FRMD4B: variants seen among roughly 807,000 people sequenced by gnomAD.
FRMD4B encodes the protein FERM domain containing 4B, also known as FERM domain-containing protein 4B.
FRMD4B carries 74 observed loss-of-function variants against 141.5 expected under a neutral mutation model. That is an observed-to-expected ratio of 0.52 (90% CI 0.43 to 0.63). The LOEUF (loss-of-function observed/expected upper bound fraction) is 0.63, where lower values mean the gene tolerates loss of function less well. FRMD4B is among the 30% of genes least tolerant of loss of function. The pLI is 0.00. For synonymous variants in FRMD4B, 506 were observed against 467.9 expected, an observed-to-expected ratio of 1.08 and a Z score of -1.05; for missense variants, 1,366 against 1,253.4, an observed-to-expected ratio of 1.09 and a Z score of -1.36.
intron 2 of FRMD4B, among the ~76,000 whole-genome samples, chr3:69,419,067 G>T (rs1704924665): frequency 6.6e-6 from 1 of 152,124 alleles, no homozygotes; most frequent in South Asian, 2.1e-4. Context: ...GAAAATGTAG[G>T]TTGCATATGT....
chr3:69,357,609 G>C (rs1014312498), intron 1 of FRMD4B, among the ~76,000 whole-genome samples: 35 of 152,142 alleles, frequency 2.3e-4, no homozygotes, highest in African/African-American at 8.4e-4. Flanking sequence ...TGTGGAAGCA[G>C]GATCCCAATT....
At chr3:69,441,497 C>T (rs568424256) in intron 1 of FRMD4B, among the ~76,000 whole-genome samples, 3 of 152,246 alleles carry the variant, frequency 2.0e-5, no homozygotes, top group South Asian at 2.1e-4. Flanking sequence ...TCCAACCATC[C>T]GTAATGACAT....
chr3:69,263,521 C>T lies in FRMD4B; in HGVS notation c.502-13422G>A, dbSNP rs189596891. Among the ~76,000 whole-genome samples the T allele has an allele frequency of 2.0e-5, 3 of 150,714 alleles. No homozygotes were observed. The East Asian group carries it at 6.0e-4, about 30-fold the overall frequency. On this transcript the variant is annotated intron_variant, in intron 5 of 22. Coordinates refer to ENST00000398540, the MANE Select transcript of FRMD4B (RefSeq NM_015123.3). ...TCCTGGGCTCAAGTGATCTTCCCAC[C>T]TCAGTCTTCCAAATAGCTGGGACTA...
At chr3:69,351,605 A>G (rs1703152977) in intron 1 of FRMD4B, among the ~76,000 whole-genome samples, 1 of 152,158 alleles carries the variant, frequency 6.6e-6, no homozygotes, top group Non-Finnish European at 1.5e-5. Flanking sequence ...CTATTCCAAG[A>G]TGCACGCACC....
At chr3:69,286,644 C>A (rs575105065) in intron 5 of FRMD4B, among the ~76,000 whole-genome samples, 1 of 152,182 alleles carries the variant, frequency 6.6e-6, no homozygotes, top group African/African-American at 2.4e-5. Context: ...GAGATCAGAA[C>A]GTACAAGGGA....
At chr3:69,316,282 C>T (rs1701800949) in intron 1 of FRMD4B, among the ~76,000 whole-genome samples, 1 of 152,134 alleles carries the variant, frequency 6.6e-6, no homozygotes, top group Non-Finnish European at 1.5e-5. Context: ...CAAATATACA[C>T]CTTGGGTGGC....
At position 69,203,571 on chromosome 3, in the gene FRMD4B, T is replaced by C. The variant is rs571461256; in HGVS notation, c.877-4797A>G. 2.0e-5 allele frequency among the ~76,000 whole-genome samples: 3 copies of C among 152,276 alleles called. No homozygotes were observed. The East Asian group carries it at 5.8e-4, about 29-fold the overall frequency. ...GCTCACAAGAGCCAAGTGAACCAAG[T>C]CAGATTGCCTTGGTTAGCATTCTGG... On this transcript the variant is annotated intron_variant, in intron 11 of 22. Coordinates refer to ENST00000398540, the MANE Select transcript of FRMD4B (RefSeq NM_015123.3).
intron 1 of FRMD4B, among the ~76,000 whole-genome samples, chr3:69,329,516 ATTTTTTTTTT>A (rs10554375): frequency 5.0e-4 from 28 of 55,576 alleles, no homozygotes; most frequent in South Asian, 1.9e-3. Context: ...TGCCCAGCTA[ATTTTTTTTTT>A]TTTTTTTTTT....
At chr3:69,439,169 GT>G (rs1320763650) in intron 1 of FRMD4B, among the ~76,000 whole-genome samples, 65 of 152,180 alleles carry the variant, frequency 4.3e-4, no homozygotes, top group Non-Finnish European at 6.8e-4. Context: ...GCTCAACATG[GT>G]TTTTTGCGAT....
rs1177124688 is a variant in FRMD4B at position 69,414,679 on chromosome 3, A to T, written c.-1+17955T>A. Among the ~76,000 whole-genome samples the T allele has an allele frequency of 2.0e-5, 3 of 152,308 alleles. No homozygotes were observed. In the South Asian group the frequency reaches 6.2e-4, roughly 32 times the overall value. ...ACATTTCGAGGGGCTGCATTTCAAC[A>T]CTATCATGAGAGCTGCATGAGGTCA... On this transcript the variant is annotated intron_variant, in intron 2 of 5. Transcript: ENST00000459638.
chr3:69,230,007 C>T (rs569900436), intron 7 of FRMD4B, among the ~76,000 whole-genome samples: 9 of 150,682 alleles, frequency 6.0e-5, no homozygotes, highest in Admixed American at 1.3e-4. Flanking sequence ...TATGGAGTCT[C>T]GCTCTGTCAC....
intron 2 of FRMD4B, among the ~76,000 whole-genome samples, chr3:69,423,369 T>C (rs1705015777): frequency 1.5e-5 from 2 of 131,056 alleles, no homozygotes; most frequent in Non-Finnish European, 3.3e-5. Context: ...AGCAAAAAAT[T>C]TGAGTCACCC....
chr3:69,270,138 AC>A (rs2093587594), intron 5 of FRMD4B, among the ~76,000 whole-genome samples: 1 of 152,024 alleles, frequency 6.6e-6, no homozygotes, highest in Admixed American at 6.6e-5. Flanking sequence ...GCCTTGGCCT[AC>A]GGCGTAGCCA....
chr3:69,300,523 T>C (rs991759808), intron 4 of FRMD4B, among the ~76,000 whole-genome samples: 11 of 152,110 alleles, frequency 7.2e-5, no homozygotes, highest in African/African-American at 2.4e-4. Context: ...GAAAGGGAGA[T>C]AGGGTTTACT....
At chr3:69,517,479 A>G (rs1260949938) in intron 1 of FRMD4B, among the ~76,000 whole-genome samples, 1 of 152,212 alleles carries the variant, frequency 6.6e-6, no homozygotes, top group Non-Finnish European at 1.5e-5. Context: ...GATCAGAGAT[A>G]TAACCCAAAT....
chr3:69,234,075 G>C (rs1269067436), intron 7 of FRMD4B, among the ~76,000 whole-genome samples: 1 of 151,914 alleles, frequency 6.6e-6, no homozygotes, highest in Non-Finnish European at 1.5e-5. Flanking sequence ...GTGAAACTCC[G>C]TCTCTACTTA....
At chr3:69,266,256 A>G (rs1010055082) in intron 5 of FRMD4B, among the ~76,000 whole-genome samples, 21 of 152,090 alleles carry the variant, frequency 1.4e-4, no homozygotes, top group Non-Finnish European at 2.8e-4. Context: ...AGAACACAGG[A>G]TGTGACTTAA....
At chr3:69,343,365 C>T (rs1702806252) in intron 1 of FRMD4B, among the ~76,000 whole-genome samples, 1 of 152,166 alleles carries the variant, frequency 6.6e-6, no homozygotes, top group South Asian at 2.1e-4. Flanking sequence ...CCACTCTCGA[C>T]ACTTCCTCTC....
At chr3:69,494,255 T>C (rs1460546865) in intron 1 of FRMD4B, among the ~76,000 whole-genome samples, 2 of 152,112 alleles carry the variant, frequency 1.3e-5, no homozygotes, top group Non-Finnish European at 2.9e-5. Context: ...AGGTGGTGTA[T>C]ACTGGGTGGG....
Sources: allele counts gnomAD v4.1 joint callset (sites outside exome capture counted in the v4.1 genomes callset), GRCh38; gene constraint gnomAD v4.1.1; transcripts MANE v1.5; gene names NCBI Gene and HGNC (gene_info 2026-07-23, HGNC 2026-07-21).